Variants in KATNBL1 observed in about 807,000 individuals in gnomAD.
KATNBL1 encodes the protein katanin regulatory subunit B1 like 1, also known as KATNB1-like protein 1.
In KATNBL1, 28 loss-of-function variants were observed where a neutral mutation model predicts 44.7. That is an observed-to-expected ratio of 0.63 (90% CI 0.46 to 0.86). The LOEUF is 0.86. KATNBL1 is among the 40% of genes least tolerant of loss of function. The pLI, the probability that KATNBL1 is intolerant of heterozygous loss-of-function variation, is 0.00. For synonymous variants in KATNBL1, 78 were observed against 114.9 expected (o/e 0.68, Z 2.06); for missense variants, 272 against 350.7 (o/e 0.78, Z 1.79).
At chr15:34,176,854 C>T (rs1030938239) in intron 1 of KATNBL1, among the ~76,000 whole-genome samples, 2 of 152,104 alleles carry the variant, frequency 1.3e-5, no homozygotes, top group East Asian at 1.9e-4. Context: ...TTTGACAGCA[C>T]CTTTGTTGGG....
chr15:34,143,946 G>A (rs1211453574), intron 9 of KATNBL1, among the ~76,000 whole-genome samples: 1 of 106,224 alleles, frequency 9.4e-6, no homozygotes, highest in African/African-American at 3.7e-5. Context: ...CAGCCTGGGC[G>A]ACAGAGCGAG....
chr15:34,193,370 C>T (rs1211160704), intron 1 of KATNBL1, among the ~76,000 whole-genome samples: 1 of 151,906 alleles, frequency 6.6e-6, no homozygotes, highest in Non-Finnish European at 1.5e-5. Context: ...CCCATCTCTA[C>T]TAAAAATACA....
At chr15:34,167,765 G>T (rs1169806124) in intron 1 of KATNBL1, among the ~76,000 whole-genome samples, 1 of 152,224 alleles carries the variant, frequency 6.6e-6, no homozygotes, top group Non-Finnish European at 1.5e-5. Context: ...CAAGCCAGAA[G>T]AGAGTGGGGG....
intron 1 of KATNBL1, among the ~76,000 whole-genome samples, chr15:34,200,762 A>G (rs536485953): frequency 6.6e-6 from 1 of 152,334 alleles, no homozygotes; most frequent in African/African-American, 2.4e-5. Context: ...AAATTACAAA[A>G]GAGATGCCAA....
At chr15:34,163,896 CTTT>C (rs5811822) in intron 1 of KATNBL1, among the ~76,000 whole-genome samples, 7 of 145,630 alleles carry the variant, frequency 4.8e-5, no homozygotes, top group Admixed American at 6.9e-5. Context: ...TGTCCTCATT[CTTT>C]TTTTTTTTTT....
At chr15:34,148,793 AGG>A in intron 4 of KATNBL1, 43 bp from the exon 5 acceptor site, 1 of 1,097,336 alleles carries the variant, frequency 9.1e-7, no homozygotes, top group Non-Finnish European at 1.4e-6. Flanking sequence ...ACACTGAAAC[AGG>A]GTATGAAACT....
intron 1 of KATNBL1, among the ~76,000 whole-genome samples, chr15:34,164,682 A>G (rs1288631179): frequency 6.6e-6 from 1 of 152,260 alleles, no homozygotes; most frequent in Non-Finnish European, 1.5e-5. Context: ...AATTTATTTT[A>G]GGTCATGCCC....
chr15:34,159,078 T>G (rs1487674929), intron 2 of KATNBL1, among the ~76,000 whole-genome samples: 1 of 152,256 alleles, frequency 6.6e-6, no homozygotes, highest in African/African-American at 2.4e-5. Flanking sequence ...GCCACCTTTC[T>G]GCCTTCTGAT....
chr15:34,153,032 G>A lies in KATNBL1; in HGVS notation c.196C>T (p.Arg66Cys), dbSNP rs1377245990. Residue 66 changes from arginine to cysteine, a missense_variant, in exon 4 of 10, where the codon CGT becomes TGT. Coordinates refer to ENST00000256544, the MANE Select transcript of KATNBL1 (RefSeq NM_024713.3). The part of the protein sequence containing the change: ...GQTVKSPDKL[R>C]KVIYRRKKVH... ...TTCTTTCTGCGATAGATCACTTTACGAAGTTTATCTGGGCTTTTCACAGTT... is the reference window on the plus strand; with the variant it reads ...TTCTTTCTGCGATAGATCACTTTACAAAGTTTATCTGGGCTTTTCACAGTT... 8.1e-6 allele frequency: 13 copies of A among 1,612,868 alleles called. No individual in the cohort carries two copies. The highest frequency in any genetic ancestry group is 4.4e-5 in the South Asian group (4 of 90,936).
intron 1 of KATNBL1, among the ~76,000 whole-genome samples, chr15:34,182,063 A>G (rs1192841768): frequency 6.6e-6 from 1 of 151,814 alleles, no homozygotes; most frequent in African/African-American, 2.4e-5. Context: ...AAAAGATTAA[A>G]TAATTTGCCC....
chr15:34,204,687 C>G (rs1890248828), intron 1 of KATNBL1, among the ~76,000 whole-genome samples: 2 of 152,324 alleles, frequency 1.3e-5, no homozygotes, highest in Admixed American at 6.5e-5. Context: ...AACCATCTGC[C>G]AGACTTTCTT....
chr15:34,193,238 A>AAAAACAAAAAAC (rs772643772), intron 1 of KATNBL1, among the ~76,000 whole-genome samples: 3,304 of 139,186 alleles, frequency 0.024, 78 homozygotes, highest in South Asian at 0.046. Flanking sequence ...AAAAAAAACA[A>AAAAACAAAAAAC]AAAAAAAACT....
intron 1 of KATNBL1, among the ~76,000 whole-genome samples, chr15:34,184,970 C>A (rs1423179930): frequency 6.6e-6 from 1 of 151,976 alleles, no homozygotes. Flanking sequence ...GAGTTCAAAT[C>A]TTCCTCTTTG....
At chr15:34,143,197 G>A (rs962372344) in intron 9 of KATNBL1, among the ~76,000 whole-genome samples, 16 of 151,854 alleles carry the variant, frequency 1.1e-4, no homozygotes, top group East Asian at 3.9e-4. Flanking sequence ...GATTGTGGCC[G>A]GGTGTGGTGG....
chr15:34,160,780 T>A (rs1888776547), intron 2 of KATNBL1, among the ~76,000 whole-genome samples: 1 of 152,076 alleles, frequency 6.6e-6, no homozygotes, highest in Admixed American at 6.5e-5. Context: ...AGGCTCAATC[T>A]CCCCTACTGG....
At chr15:34,189,717 C>T (rs1424623857) in intron 1 of KATNBL1, among the ~76,000 whole-genome samples, 4 of 152,140 alleles carry the variant, frequency 2.6e-5, no homozygotes, top group African/African-American at 7.2e-5. Flanking sequence ...CTTCCCTCTC[C>T]TTTGTTCCCT....
chr15:34,149,009 A>G (rs948551653), intron 4 of KATNBL1, among the ~76,000 whole-genome samples: 1 of 152,240 alleles, frequency 6.6e-6, no homozygotes, highest in Non-Finnish European at 1.5e-5. Flanking sequence ...GCTGACCTAT[A>G]AACTAGGACT....
At chr15:34,206,848 T>C (rs1200912179) in intron 1 of KATNBL1, among the ~76,000 whole-genome samples, 1 of 151,918 alleles carries the variant, frequency 6.6e-6, no homozygotes, top group Non-Finnish European at 1.5e-5. Flanking sequence ...AAAAAGTGTA[T>C]GCTCCCAGTA....
At chr15:34,184,658 C>T (rs1200489773) in intron 1 of KATNBL1, among the ~76,000 whole-genome samples, 2 of 133,262 alleles carry the variant, frequency 1.5e-5, no homozygotes, top group Admixed American at 9.0e-5. Flanking sequence ...CTGCAAGCTC[C>T]GCCTCCTGGG....
Sources: gnomAD v4.1 joint callset for allele counts (sites outside exome capture counted in the v4.1 genomes callset) on GRCh38, gnomAD v4.1.1 for gene constraint, MANE v1.5 for transcripts, NCBI Gene and HGNC (gene_info 2026-07-23, HGNC 2026-07-21) for gene names.